ELFN1: variants seen among roughly 807,000 people sequenced by gnomAD.
ELFN1 encodes the protein extracellular leucine rich repeat and fibronectin type III domain containing 1.
A neutral mutation model predicts 7.6 loss-of-function variants in ELFN1; 6 were observed. The observed-to-expected ratio is 0.79, with a 90% CI of 0.43 to 1.56. The LOEUF (loss-of-function observed/expected upper bound fraction) is 1.56, where lower values mean the gene tolerates loss of function less well. ELFN1 is among the 40% of genes most tolerant of loss of function. The pLI is 0.01. For missense variants in ELFN1, 1,169 were observed against 1,232.2 expected, an observed-to-expected ratio of 0.95 and a Z score of 0.77; for synonymous variants, 657 against 588.1, an observed-to-expected ratio of 1.12 and a Z score of -1.70.
intron 2 of ELFN1, among the ~76,000 whole-genome samples, chr7:1,694,721 G>T (rs1409789587): frequency 2.0e-5 from 3 of 152,208 alleles, no homozygotes; most frequent in Non-Finnish European, 4.4e-5. Flanking sequence ...CTGACACCAA[G>T]ACGTCACTGT....
intron 2 of ELFN1, chr7:1,692,427 A>T (rs901751772): frequency 6.6e-6 from 1 of 152,338 alleles, no homozygotes; most frequent in Non-Finnish European, 1.5e-5. Context: ...CTGGGCCGGG[A>T]GGGCCTTGCA....
At chr7:1,703,655 T>A (rs1424256972) in intron 2 of ELFN1, among the ~76,000 whole-genome samples, 3 of 152,174 alleles carry the variant, frequency 2.0e-5, no homozygotes, top group Non-Finnish European at 4.4e-5. Context: ...CTGTCGGTGC[T>A]GAGCGGGGGA....
intron 3 of ELFN1, among the ~76,000 whole-genome samples, chr7:1,744,082 G>C (rs878982141): frequency 6.6e-6 from 1 of 152,320 alleles, no homozygotes; most frequent in African/African-American, 2.4e-5. Context: ...CCACGGGAGG[G>C]TGAAGCATTT....
chr7:1,727,506 T>C (rs1022114653), intron 3 of ELFN1, among the ~76,000 whole-genome samples: 3 of 152,102 alleles, frequency 2.0e-5, no homozygotes, highest in Non-Finnish European at 4.4e-5. Context: ...TGGGCTGCCC[T>C]AGAAGGGTAG....
chr7:1,669,950 C>T (rs1425294549), upstream of ELFN1, among the ~76,000 whole-genome samples: 5 of 146,994 alleles, frequency 3.4e-5, no homozygotes, highest in Non-Finnish European at 7.4e-5. Flanking sequence ...CCTGCGCTTT[C>T]TAGGACCTCC....
intron 2 of ELFN1, chr7:1,694,323 A>G (rs1161827846): frequency 6.0e-6 from 1 of 165,504 alleles, no homozygotes; most frequent in Non-Finnish European, 1.3e-5. Context: ...TTTGCTGGTT[A>G]TCAAAGACCT....
intron 3 of ELFN1, among the ~76,000 whole-genome samples, chr7:1,714,663 G>T (rs1779774284): frequency 1.3e-5 from 2 of 152,354 alleles, no homozygotes; most frequent in South Asian, 4.1e-4. Context: ...AGAGCAGTAA[G>T]TGTGCAGAGG....
intron 3 of ELFN1, among the ~76,000 whole-genome samples, chr7:1,713,756 G>T (rs917956582): frequency 1.3e-5 from 2 of 152,298 alleles, no homozygotes; most frequent in African/African-American, 2.4e-5. Context: ...TGGGGAGGGG[G>T]GGGCGATGTC....
At chr7:1,730,891 A>C (rs1169890302) in intron 3 of ELFN1, among the ~76,000 whole-genome samples, 1 of 152,240 alleles carries the variant, frequency 6.6e-6, no homozygotes, top group Non-Finnish European at 1.5e-5. Flanking sequence ...ATGATTCAAG[A>C]TCTTAGAAAC....
chr7:1,668,625 C>T (rs1000431330), upstream of ELFN1, among the ~76,000 whole-genome samples: 5 of 152,210 alleles, frequency 3.3e-5, no homozygotes, highest in African/African-American at 1.2e-4. Flanking sequence ...AGTGGAGCTG[C>T]AGCTGGGGAG....
At position 1,745,628 on chromosome 7, in the gene ELFN1, C is replaced by T. The variant is rs934680849; in HGVS notation, c.1032C>T (p.Thr344=). 9 of 1,551,100 alleles carry T rather than the reference C, an allele frequency of 5.8e-6. No individual in the cohort carries two copies. The African/African-American group carries it at 1.2e-4, about 21-fold the overall frequency. ...CCAGCCCGTTCCACCGGATGTACAC[C>T]CTGGAGCATTTCAACAACAGCAAGG... is the stretch of plus-strand genomic sequence containing the variant. The part of the protein sequence containing the change: ...QLPSPFHRMY[T]LEHFNNSKAS... Residue 344 remains threonine, a synonymous_variant, in exon 4 of 4, where the codon ACC becomes ACT. Coordinates refer to ENST00000424383, the MANE Select transcript of ELFN1 (RefSeq NM_001128636.4).
In ELFN1 at chr7:1,673,279, C is replaced by G. The variant is rs985314760; in HGVS notation, c.-549+2925C>G. Among the ~76,000 whole-genome samples, 8 of 152,052 alleles carry G rather than the reference C, an allele frequency of 5.3e-5. No individual in the cohort carries two copies. The highest frequency in any genetic ancestry group is 5.2e-4 in the Admixed American group (8 of 15,272). Reference sequence around the variant, plus strand: ...ACTGAGGCCCGGATTGGGGTGGGGCCGGAGAGGGTGGTGGAGGGGTCCTAT... The same window carrying G: ...ACTGAGGCCCGGATTGGGGTGGGGCGGGAGAGGGTGGTGGAGGGGTCCTAT... On this transcript the variant is annotated intron_variant, in intron 1 of 3. Transcript: ENST00000424383. The surrounding 1 kb of genome is among the most constrained non-coding windows in gnomAD (Gnocchi z 4.7).
chr7:1,687,503 C>T (rs1160964353), intron 1 of ELFN1, among the ~76,000 whole-genome samples: 1 of 152,016 alleles, frequency 6.6e-6, no homozygotes, highest in Non-Finnish European at 1.5e-5. Flanking sequence ...TGATCACTAC[C>T]CTTCTCTCCT....
At chr7:1,668,479 G>A (rs772703596), upstream of ELFN1, among the ~76,000 whole-genome samples, 20 of 152,244 alleles carry the variant, frequency 1.3e-4, no homozygotes, top group Non-Finnish European at 2.4e-4. Flanking sequence ...TTTGGCAGGC[G>A]GAGTGGATAG....
At chr7:1,698,609 AG>A (rs1323470170) in intron 2 of ELFN1, among the ~76,000 whole-genome samples, 1 of 152,234 alleles carries the variant, frequency 6.6e-6, no homozygotes, top group Non-Finnish European at 1.5e-5. Flanking sequence ...TAATTTCAAA[AG>A]CAATATACAT....
chr7:1,744,336 C>G lies in ELFN1; in HGVS notation c.-261C>G. 4.3e-6 allele frequency: 2 copies of G among 462,588 alleles called. No homozygotes were observed. The highest frequency in any genetic ancestry group is 1.1e-3 in the Middle Eastern group (2 of 1,790). 28.7% of individuals were successfully genotyped at this position (462,588 alleles called of 1,614,324 possible). ...GTCGGAGCAGGAGGAGTCAGTGGAGCCATCAGGACACCCAGGCCCATGGGG... is the reference window on the plus strand; with the variant it reads ...GTCGGAGCAGGAGGAGTCAGTGGAGGCATCAGGACACCCAGGCCCATGGGG... On this transcript the variant is annotated 5_prime_UTR_variant, in exon 4 of 4. Transcript: ENST00000424383.
At chr7:1,711,564 G>A (rs1280328414) in intron 3 of ELFN1, among the ~76,000 whole-genome samples, 1 of 127,472 alleles carries the variant, frequency 7.8e-6, no homozygotes, top group Non-Finnish European at 1.6e-5. Flanking sequence ...CTTGAAGAGA[G>A]AGCGAGAGAG....
At position 1,716,204 on chromosome 7, in the gene ELFN1, C is replaced by A. The variant is rs529901854; in HGVS notation, c.-294+6952C>A. On this transcript the variant is annotated intron_variant, in intron 3 of 3. Transcript: ENST00000424383. ...CCTGCCCACCCCAAGGTTCTGCCCACCCTGAGGTCCTACTACCCTGCAATC... is the reference window on the plus strand; with the variant it reads ...CCTGCCCACCCCAAGGTTCTGCCCAACCTGAGGTCCTACTACCCTGCAATC... Among the ~76,000 whole-genome samples the A allele has an allele frequency of 2.0e-5, 3 of 152,356 alleles. No homozygotes were observed. The South Asian group carries it at 6.2e-4, about 32-fold the overall frequency.
intron 3 of ELFN1, among the ~76,000 whole-genome samples, chr7:1,734,457 G>A (rs1446947477): frequency 2.0e-5 from 3 of 152,188 alleles, no homozygotes; most frequent in Non-Finnish European, 2.9e-5. Context: ...CCGGGGCTGC[G>A]AGCCCAGAGG....
Sources: gnomAD v4.1 joint callset for allele counts (sites outside exome capture counted in the v4.1 genomes callset) on GRCh38, gnomAD v4.1.1 for gene constraint, Gnocchi (gnomAD v3.1) non-coding constraint, MANE v1.5 for transcripts, NCBI Gene and HGNC (gene_info 2026-07-23, HGNC 2026-07-21) for gene names.